Variants in IGF1 observed in about 807,000 individuals in gnomAD.
The protein encoded by IGF1 is insulin-like growth factor 1.
IGF1 carries 4 observed loss-of-function variants against 13.8 expected under a neutral mutation model. The observed-to-expected ratio is 0.29, with a 90% CI of 0.14 to 0.66. The LOEUF (loss-of-function observed/expected upper bound fraction) is 0.66. Ranked by LOEUF, IGF1 falls within the 30% of genes least tolerant of loss-of-function variation. The probability of loss-of-function intolerance (pLI) is 0.78; values close to 1 mark genes in which losing one functional copy is unlikely to be tolerated. For synonymous variants in IGF1, 76 were observed against 72.6 expected (o/e 1.05, Z -0.23); for missense variants, 124 against 188.5 (o/e 0.66, Z 2.00).
chr12:102,461,152 T>G (rs879546343), intron 2 of IGF1, among the ~76,000 whole-genome samples: 15 of 152,332 alleles, frequency 9.8e-5, no homozygotes, highest in Admixed American at 9.8e-4. Flanking sequence ...TATTGTCATT[T>G]CAAGAAATAC....
chr12:102,474,692 A>G (rs1047048187), intron 2 of IGF1, among the ~76,000 whole-genome samples: 3 of 152,206 alleles, frequency 2.0e-5, no homozygotes, highest in African/African-American at 7.2e-5. Context: ...ACTCATGCTC[A>G]GTTTCCTGGA....
intron 2 of IGF1, chr12:102,422,969 A>G (rs1446039810): frequency 6.6e-6 from 1 of 152,210 alleles, no homozygotes; most frequent in African/African-American, 2.4e-5. Flanking sequence ...CCATTGCAGG[A>G]AACAGTTAAG....
chr12:102,396,853 G>C lies in IGF1; in HGVS notation c.*5654C>G. On this transcript the variant is annotated 3_prime_UTR_variant, in exon 4 of 4. Transcript: ENST00000337514. Reference sequence around the variant, plus strand: ...CCCTTGAAAGACCCCATCAAAGATAGTTGAAGAATGAGGAGAGAAGGATCA... The same window carrying C: ...CCCTTGAAAGACCCCATCAAAGATACTTGAAGAATGAGGAGAGAAGGATCA... The C allele has an allele frequency of 2.5e-6, 1 of 397,564 alleles. No individual in the cohort carries two copies. The allele number at this position is 397,564 out of a possible 1,614,324, so 24.6% of individuals were successfully genotyped here.
intron 2 of IGF1, among the ~76,000 whole-genome samples, chr12:102,446,714 C>CAAA (rs1225529621): frequency 6.6e-6 from 1 of 152,140 alleles, no homozygotes; most frequent in Non-Finnish European, 1.5e-5. Context: ...TCTCATGTCT[C>CAAA]TATCTCTTTC....
In IGF1 at chr12:102,475,782, C is replaced by T. The variant is rs61733006; in HGVS notation, c.81G>A (p.Met27Ile). The T allele has an allele frequency of 1.4e-5, 22 of 1,613,540 alleles. No homozygotes were observed. The highest frequency in any genetic ancestry group is 8.8e-5 in the South Asian group (8 of 90,968). ...CDFLKVKMHT[M>I]SSSHLFYLAL... ...CCAGGTAGAAGAGATGCGAGGAGGA[C>T]ATGGTGTGCATCTTCACCTGCCCAA... The change falls in exon 2 of 4, where the codon ATG (methionine) becomes ATA (isoleucine). Residue 27 changes from methionine (M) to isoleucine (I), a missense_variant. Physicochemically the swap from Met to Ile is conservative, Grantham distance 10. Coordinates refer to ENST00000337514, the MANE Select transcript of IGF1 (RefSeq NM_000618.5).
Position 102,480,514 on chromosome 12 carries a change from C to T in IGF1, c.-133G>A. The T allele has an allele frequency of 6.5e-7, 1 of 1,527,764 alleles. No individual in the cohort carries two copies. Among genetic ancestry groups the T allele is most frequent in the East Asian group, 2.4e-5 (1 of 41,492 alleles). 94.6% of individuals were successfully genotyped at this position (1,527,764 alleles called of 1,614,324 possible). A position where few individuals can be genotyped will look rare whatever the true frequency, so the allele number is the denominator to read the frequency against. On this transcript the variant is annotated 5_prime_UTR_variant, in exon 1 of 4. Transcript: ENST00000337514. ...TGAGGACTTTATTCCATTGCGCAGG[C>T]TCTATCTGCTCTGAATTTAGCAGTG...
chr12:102,423,259 G>C lies in IGF1; in HGVS notation c.221-3569C>G. 2 of 43,156 alleles carry C rather than the reference G, an allele frequency of 4.6e-5. 1 individual carries two copies. Among genetic ancestry groups the C allele is most frequent in the East Asian group, 1.7e-3 (2 of 1,188 alleles). The allele number at this position is 43,156 out of a possible 1,614,324, so 2.7% of individuals were successfully genotyped here. ...TTTAATTGTCCTTACTCGATGCTACGAAAAAAAAAAAAAAAAAAAAAAAAA... is the reference window on the plus strand; with the variant it reads ...TTTAATTGTCCTTACTCGATGCTACCAAAAAAAAAAAAAAAAAAAAAAAAA... On this transcript the variant is annotated intron_variant, in intron 2 of 3. Coordinates refer to ENST00000337514, the MANE Select transcript of IGF1 (RefSeq NM_000618.5).
At chr12:102,421,471 G>A (rs560351050) in intron 2 of IGF1, among the ~76,000 whole-genome samples, 3 of 152,236 alleles carry the variant, frequency 2.0e-5, no homozygotes, top group South Asian at 2.1e-4. Flanking sequence ...TTTGCTAAGT[G>A]GCTAGCCAGT....
chr12:102,431,506 T>A (rs1401255010), intron 2 of IGF1, among the ~76,000 whole-genome samples: 1 of 152,212 alleles, frequency 6.6e-6, no homozygotes, highest in Non-Finnish European at 1.5e-5. Flanking sequence ...AGTATCTACA[T>A]GGAGGCAGCA....
rs1873204563 is a variant in IGF1, at chr12:102,396,621, T to C, written c.*5886A>G. 1.4e-5 allele frequency: 5 copies of C among 356,444 alleles called. No homozygotes were observed. The highest frequency in any genetic ancestry group is 7.3e-4 in the Middle Eastern group (1 of 1,376). 22.1% of individuals were successfully genotyped at this position (356,444 alleles called of 1,614,324 possible). On this transcript the variant is annotated 3_prime_UTR_variant, in exon 4 of 4. Transcript: ENST00000337514. Reference sequence around the variant, plus strand: ...ATTTTGGGCAAAATAAAATGAGTAATGTTTACTTTTAGGCCTCAGTAATAT... The same window carrying C: ...ATTTTGGGCAAAATAAAATGAGTAACGTTTACTTTTAGGCCTCAGTAATAT...
chr12:102,418,040 G>T, intron 3 of IGF1: 2 of 1,600,936 alleles, frequency 1.2e-6, no homozygotes, highest in Non-Finnish European at 1.7e-6. Context: ...TTGAGAACAA[G>T]TGGTTCCCAT....
intron 2 of IGF1, among the ~76,000 whole-genome samples, chr12:102,443,082 C>A (rs1381710346): frequency 6.6e-6 from 1 of 151,862 alleles, no homozygotes; most frequent in African/African-American, 2.4e-5. Context: ...TGATTTGGGG[C>A]ACTCAAGTGG....
intron 2 of IGF1, among the ~76,000 whole-genome samples, chr12:102,424,116 G>T (rs947195675): frequency 6.6e-6 from 1 of 152,060 alleles, no homozygotes; most frequent in Non-Finnish European, 1.5e-5. Context: ...ATAAAAAAAC[G>T]CAAACGTTTT....
intron 2 of IGF1, among the ~76,000 whole-genome samples, chr12:102,441,906 G>GCTGCTGCTGCTTCTTCTT: frequency 0.034 from 3,366 of 100,044 alleles, 379 homozygotes; most frequent in African/African-American, 0.052. Flanking sequence ...CTATTACACT[G>GCTGCTGCTGCTTCTTCTT]CTTCTTCTCC....
chr12:102,469,839 G>C (rs1021732198), intron 2 of IGF1, among the ~76,000 whole-genome samples: 1 of 151,966 alleles, frequency 6.6e-6, no homozygotes, highest in African/African-American at 2.4e-5. Flanking sequence ...CACCAAAAGT[G>C]GAGTCAAGAC....
intron 3 of IGF1, 113 bp downstream of exon 3, chr12:102,419,396 C>G: frequency 2.8e-6 from 3 of 1,057,082 alleles, no homozygotes; most frequent in Non-Finnish European, 4.1e-6. Context: ...TGCAAAGGAG[C>G]TTTTCTGACT....
chr12:102,413,742 A>T (rs959719533), intron 3 of IGF1, among the ~76,000 whole-genome samples: 1 of 152,190 alleles, frequency 6.6e-6, no homozygotes, highest in African/African-American at 2.4e-5. Context: ...GCACCATGAA[A>T]TGAAAGCACG....
chr12:102,423,211 T>C (rs1407942829), intron 2 of IGF1: 2 of 139,620 alleles, frequency 1.4e-5, no homozygotes, highest in African/African-American at 2.7e-5. Context: ...TATTTGAAGT[T>C]CCCCAAGATG....
At chr12:102,405,193 TCTC>T (rs1565960224) in intron 3 of IGF1, among the ~76,000 whole-genome samples, 1 of 150,558 alleles carries the variant, frequency 6.6e-6, no homozygotes, top group Non-Finnish European at 1.5e-5. Context: ...TTCAAGTGAT[TCTC>T]CTGCCTCAGC....
Sources: gnomAD v4.1 joint callset for allele counts (sites outside exome capture counted in the v4.1 genomes callset) on GRCh38, gnomAD v4.1.1 for gene constraint, MANE v1.5 for transcripts, NCBI Gene and HGNC (gene_info 2026-07-23, HGNC 2026-07-21) for gene names.